The following KARS1 variants were observed in gnomAD, a reference collection of about 807,000 sequenced individuals.
KARS1 encodes the protein lysyl-tRNA synthetase 1.
In KARS1, 50 loss-of-function variants were observed where a neutral mutation model predicts 63.9. That is an observed-to-expected ratio of 0.78 (90% confidence interval 0.62 to 0.99). The LOEUF (loss-of-function observed/expected upper bound fraction) is 0.99, where lower values mean the gene tolerates loss of function less well. KARS1 is among the 50% of genes least tolerant of loss of function. The pLI is 0.00. For synonymous variants in KARS1, 320 were observed against 264.6 expected, an observed-to-expected ratio of 1.21 and a Z score of -2.03; for missense variants, 816 against 754.5, an observed-to-expected ratio of 1.08 and a Z score of -0.95.
chr16:75,647,424 G>A, intron 1 of KARS1, 154 bp downstream of exon 1: 2 of 762,738 alleles, frequency 2.6e-6, no homozygotes, highest in Non-Finnish European at 4.6e-6. Flanking sequence ...GGGGTACGTG[G>A]TCTGCAGGGC....
intron 11 of KARS1, among the ~76,000 whole-genome samples, chr16:75,629,853 T>C (rs887555882): frequency 4.6e-5 from 7 of 152,234 alleles, no homozygotes; most frequent in African/African-American, 1.7e-4. Context: ...TGAATTCTAG[T>C]GGACTCAAAA....
rs749866540 is a variant in KARS1, at chr16:75,640,287, G to A, written c.285C>T (p.Tyr95=). The change falls in exon 3 of 14, where the codon TAC becomes TAT. Residue 95 remains tyrosine (Y), a synonymous_variant. Coordinates refer to ENST00000302445, the MANE Select transcript of KARS1 (RefSeq NM_005548.3). The part of the protein sequence containing the change: ...HQLKVNGEDP[Y]PHKFHVDISL... The stretch of plus-strand genomic sequence containing the variant: ...AGATGTCTACATGGAACTTGTGTGG[G>A]TATGGGTCTTCCCCATTGACCTTCA... 1.9e-6 allele frequency: 3 copies of A among 1,613,328 alleles called. No individual in the cohort carries two copies. The South Asian group carries it at 3.3e-5, about 18-fold the overall frequency.
chr16:75,643,658 C>T lies in KARS1; in HGVS notation c.63-1935G>A, dbSNP rs572385074. On this transcript the variant is annotated intron_variant, in intron 1 of 13. Transcript: ENST00000302445. ...CCTCCCAAAGTGCTGGGATTACAGG[C>T]GTGAGCCACCACGCCTGGCCGAATC... 6.6e-5 allele frequency among the ~76,000 whole-genome samples: 10 copies of T among 152,204 alleles called. No individual in the cohort carries two copies. In the South Asian group the frequency reaches 8.3e-4, roughly 13 times the overall value.
chr16:75,640,082 G>C, intron 3 of KARS1, 102 bp downstream of exon 3: 1 of 923,828 alleles, frequency 1.1e-6, no homozygotes, highest in South Asian at 1.3e-5. Context: ...TTCAGACACA[G>C]GCTACTTGAG....
intron 1 of KARS1, among the ~76,000 whole-genome samples, chr16:75,645,990 G>A (rs1018649944): frequency 6.6e-6 from 1 of 152,036 alleles, no homozygotes; most frequent in Non-Finnish European, 1.5e-5. Context: ...ATTATCATAG[G>A]TGGTTTGAAA....
intron 2 of KARS1, among the ~76,000 whole-genome samples, chr16:75,640,821 T>C (rs755302417): frequency 6.6e-6 from 1 of 152,178 alleles, no homozygotes; most frequent in Non-Finnish European, 1.5e-5. Flanking sequence ...TGATGCAACT[T>C]CTCAACTCTG....
rs1213168997 is a variant in KARS1, at chr16:75,630,449, T to C, written c.1398A>G (p.Pro466=). The C allele has an allele frequency of 2.5e-6, 4 of 1,610,016 alleles. No individual in the cohort carries two copies. Among genetic ancestry groups the C allele is most frequent in the East Asian group, 4.5e-5 (2 of 44,852 alleles). ...ATTTAGCCAAAGGGCTCATTATCTG[T>C]GGGTGATCACAGATGAATGTAGGAT... is the stretch of plus-strand genomic sequence containing the variant. ...CINPTFICDH[P]QIMSPLAKWH... The change falls in exon 11 of 14, where the codon CCA becomes CCG. Residue 466 remains proline, a synonymous_variant. Coordinates refer to ENST00000302445, the MANE Select transcript of KARS1 (RefSeq NM_005548.3).
chr16:75,637,532 T>G (rs1220656416), intron 3 of KARS1, among the ~76,000 whole-genome samples: 1 of 151,816 alleles, frequency 6.6e-6, no homozygotes, highest in Non-Finnish European at 1.5e-5. Context: ...TCCCAGGACT[T>G]TGGGAGGCCG....
At chr16:75,637,922 A>AC (rs2082180771) in intron 3 of KARS1, among the ~76,000 whole-genome samples, 5 of 150,440 alleles carry the variant, frequency 3.3e-5, no homozygotes, top group African/African-American at 1.2e-4. Context: ...AAAAAAGAAG[A>AC]CCCAAAAAAA....
intron 11 of KARS1, 110 bp downstream of exon 11, chr16:75,630,313 A>G: frequency 1.3e-6 from 1 of 744,456 alleles, no homozygotes; most frequent in Non-Finnish European, 2.3e-6. Context: ...ACCCTGGTCA[A>G]CACCACCCAG....
intron 2 of KARS1, 54 bp from the exon 3 acceptor site, chr16:75,640,403 G>C (rs1429319068): frequency 1.9e-6 from 3 of 1,573,522 alleles, no homozygotes; most frequent in Non-Finnish European, 2.6e-6. Context: ...GGTCAGACCA[G>C]TGGGGCCCAC....
rs13333731 is a variant in KARS1 at position 75,645,814 on chromosome 16, T to C, written c.62+1764A>G. On this transcript the variant is annotated intron_variant, in intron 1 of 13. Coordinates refer to ENST00000302445, the MANE Select transcript of KARS1 (RefSeq NM_005548.3). The stretch of plus-strand genomic sequence containing the variant: ...GTGGGCTGAAATCGCACCGCTGCAA[T>C]CCAGCCGGGGCAACAACGACTCTGC... Among the ~76,000 whole-genome samples, 1,104 of 119,870 alleles carry C rather than the reference T, an allele frequency of 9.2e-3. 11 individuals are homozygous for C. Among genetic ancestry groups the C allele is most frequent in the African/African-American group, 0.034 (1,038 of 30,436 alleles). 78.6% of individuals were successfully genotyped at this position (119,870 alleles called of 152,430 possible).
chr16:75,639,018 A>G (rs2082194200), intron 3 of KARS1, among the ~76,000 whole-genome samples: 1 of 151,120 alleles, frequency 6.6e-6, no homozygotes, highest in Non-Finnish European at 1.5e-5. Context: ...AGATACAAAA[A>G]TTAGCTGGGC....
In KARS1 at chr16:75,635,894, G is replaced by A; in HGVS notation, c.669+18C>T. 1.9e-6 allele frequency: 3 copies of A among 1,614,016 alleles called. No individual in the cohort carries two copies. Among genetic ancestry groups the A allele is most frequent in the Middle Eastern group, 3.3e-4 (2 of 6,062 alleles). On this transcript the variant is annotated intron_variant, in intron 5 of 13. Coordinates refer to ENST00000302445, the MANE Select transcript of KARS1 (RefSeq NM_005548.3). ...CAGAAAGCTAGGAGGCCACAGCTAGGAGGCCAAGAACGCTTACCTTGTCTT... is the reference window on the plus strand; with the variant it reads ...CAGAAAGCTAGGAGGCCACAGCTAGAAGGCCAAGAACGCTTACCTTGTCTT...
At chr16:75,637,620 A>T (rs1291181184) in intron 3 of KARS1, among the ~76,000 whole-genome samples, 1 of 152,066 alleles carries the variant, frequency 6.6e-6, no homozygotes, top group Non-Finnish European at 1.5e-5. Context: ...TACTAAAAAA[A>T]AATACAGAAT....
chr16:75,636,501 A>G lies in KARS1; in HGVS notation c.435T>C (p.Tyr145=). ...ACTTCACCCCCTCTCCTCGAAGATC[A>G]TAGAAGATGAGCTTTCCCCCAGAAG... ...KRASGGKLIF[Y]DLRGEGVKLQ... Residue 145 remains tyrosine, a synonymous_variant, in exon 4 of 14, where the codon TAT becomes TAC. Transcript: ENST00000302445. 1 of 1,613,612 alleles carries G rather than the reference A, an allele frequency of 6.2e-7. No homozygotes were observed. Among genetic ancestry groups the G allele is most frequent in the Non-Finnish European group, 8.5e-7 (1 of 1,179,528 alleles).
intron 12 of KARS1, 126 bp downstream of exon 12, chr16:75,629,289 G>T: frequency 8.7e-7 from 1 of 1,144,502 alleles, no homozygotes; most frequent in Non-Finnish European, 1.3e-6. Context: ...GACTCCTCCA[G>T]CAAGCCTATG....
chr16:75,645,719 C>T (rs2082273574), intron 1 of KARS1, among the ~76,000 whole-genome samples: 1 of 151,892 alleles, frequency 6.6e-6, no homozygotes, highest in Non-Finnish European at 1.5e-5. Context: ...TTGTGGCATG[C>T]ACCTGTAGTC....
At chr16:75,633,318 T>C (rs1304624062) in intron 7 of KARS1, among the ~76,000 whole-genome samples, 2 of 152,160 alleles carry the variant, frequency 1.3e-5, no homozygotes, top group East Asian at 3.9e-4. Flanking sequence ...ATCGTTTAGG[T>C]CAGGGTCTGC....
Sources: allele counts gnomAD v4.1 joint callset (sites outside exome capture counted in the v4.1 genomes callset), GRCh38; gene constraint gnomAD v4.1.1; transcripts MANE v1.5; gene names NCBI Gene and HGNC (gene_info 2026-07-23, HGNC 2026-07-21).